The following CELF2 variants were observed in gnomAD, a reference collection of about 807,000 sequenced individuals.
CELF2 encodes CUG triplet repeat RNA-binding protein 2.
Under a neutral mutation model 62.6 loss-of-function variants are expected in CELF2, and 8 were observed. That is an observed-to-expected ratio of 0.13 (90% CI 0.07 to 0.23). The LOEUF is 0.23. CELF2 is among the 10% of genes least tolerant of loss of function. The pLI is 1.00. For missense variants in CELF2, 333 were observed against 671.0 expected (o/e 0.50, Z 5.56); for synonymous variants, 258 against 250.0 (o/e 1.03, Z -0.30).
chr10:10,633,831 T>C, the CELF2 span, among the ~76,000 whole-genome samples: 45 of 152,120 alleles, frequency 3.0e-4, no homozygotes, highest in East Asian at 8.5e-3. Context: ...ATGAATATTA[T>C]ATCTTTTCAA....
chr10:11,210,152 A>G (rs558423037), intron 2 of CELF2, among the ~76,000 whole-genome samples: 7 of 152,208 alleles, frequency 4.6e-5, no homozygotes, highest in Non-Finnish European at 8.8e-5. Flanking sequence ...GAATTCGAAT[A>G]TAACTCGAGT....
In CELF2 at chr10:10,966,147, A is replaced by G. The variant is rs541510085; in HGVS notation, c.89+46148A>G. Among the ~76,000 whole-genome samples, 9 of 152,322 alleles carry G rather than the reference A, an allele frequency of 5.9e-5. No homozygotes were observed. In the South Asian group the frequency reaches 1.9e-3, roughly 32 times the overall value. ...GTGAGTTTTGGTTTACACACCTTAC[A>G]TTTGAGTTTCCTTTGCATGTCCAGG... On this transcript the variant is annotated intron_variant, in intron 2 of 13. Transcript: ENST00000636488.
At chr10:10,994,381 A>T (rs2136786578) in intron 2 of CELF2, among the ~76,000 whole-genome samples, 1 of 152,326 alleles carries the variant, frequency 6.6e-6, no homozygotes, top group East Asian at 1.9e-4. Context: ...TTACTGATCC[A>T]GAAATTACAG....
chr10:10,851,725 C>T (rs990484938), intron 1 of CELF2, among the ~76,000 whole-genome samples: 3 of 152,074 alleles, frequency 2.0e-5, no homozygotes, highest in Non-Finnish European at 2.9e-5. Flanking sequence ...ATCCAGAATA[C>T]GTACAAGGAA....
At chr10:10,648,393 T>C in the CELF2 span, among the ~76,000 whole-genome samples, 3 of 152,318 alleles carry the variant, frequency 2.0e-5, no homozygotes, top group African/African-American at 7.2e-5. Flanking sequence ...CTTTGATACA[T>C]CCCAGTCCAT....
chr10:10,496,485 G>C, the CELF2 span, among the ~76,000 whole-genome samples: 1 of 152,066 alleles, frequency 6.6e-6, no homozygotes, highest in African/African-American at 2.4e-5. Flanking sequence ...CACATTCCCA[G>C]AGCCCTAGTA....
Position 11,211,592 on chromosome 10 carries a change from A to G in CELF2, c.272-5833A>G, listed in dbSNP as rs1399699184. On this transcript the variant is annotated intron_variant, in intron 2 of 12. Coordinates refer to ENST00000633077, the MANE Select transcript of CELF2 (RefSeq NM_001326342.2). The surrounding 1 kb of genome is among the most constrained non-coding windows in gnomAD (Gnocchi z 4.8). ...TACATTTTTTTTTCCTGTGAGTATT[A>G]TTACCCAGAGTTTCCAAGTAAAGAT... Among the ~76,000 whole-genome samples the G allele has an allele frequency of 1.3e-5, 2 of 152,038 alleles. No homozygotes were observed. The highest frequency in any genetic ancestry group is 2.9e-5 in the Non-Finnish European group (2 of 67,998).
chr10:11,208,490 A>C (rs1024327922), intron 2 of CELF2, among the ~76,000 whole-genome samples: 7 of 152,208 alleles, frequency 4.6e-5, no homozygotes, highest in African/African-American at 1.2e-4. Flanking sequence ...ACGTAACGCT[A>C]ACAGACTGAG....
chr10:10,956,060 C>T (rs1297254121), intron 2 of CELF2, among the ~76,000 whole-genome samples: 1 of 152,202 alleles, frequency 6.6e-6, no homozygotes, highest in Non-Finnish European at 1.5e-5. Context: ...GAAAGGGCAA[C>T]CAAGAGTCCA....
At chr10:10,693,970 A>G in the CELF2 span, among the ~76,000 whole-genome samples, 1 of 151,398 alleles carries the variant, frequency 6.6e-6, no homozygotes, top group Non-Finnish European at 1.5e-5. Context: ...CAGCTCCTGG[A>G]TTCATTAATT....
chr10:11,225,171 G>A (rs377078882), intron 3 of CELF2, among the ~76,000 whole-genome samples: 6 of 152,112 alleles, frequency 3.9e-5, no homozygotes, highest in Non-Finnish European at 4.4e-5. Context: ...CCCACCAGCC[G>A]CAGAGATGAA....
chr10:10,807,395 G>A (rs1590609750), intron 1 of CELF2, among the ~76,000 whole-genome samples: 1 of 152,098 alleles, frequency 6.6e-6, no homozygotes, highest in Non-Finnish European at 1.5e-5. Context: ...AAATATGTCT[G>A]GTCATATCTG....
intron 2 of CELF2, among the ~76,000 whole-genome samples, chr10:10,943,675 T>C (rs144748058): frequency 6.6e-6 from 1 of 152,182 alleles, no homozygotes; most frequent in Non-Finnish European, 1.5e-5. Context: ...CTTGGTTCAC[T>C]GCAACCTCTG....
At chr10:10,884,134 G>T (rs2061607621) in intron 1 of CELF2, among the ~76,000 whole-genome samples, 1 of 151,920 alleles carries the variant, frequency 6.6e-6, no homozygotes, top group Admixed American at 6.6e-5. Flanking sequence ...TAAATGGAAA[G>T]AAAAAAGAAT....
the CELF2 span, among the ~76,000 whole-genome samples, chr10:10,687,815 C>T: frequency 6.6e-6 from 1 of 152,204 alleles, no homozygotes; most frequent in Admixed American, 6.5e-5. Flanking sequence ...TTACACTCTC[C>T]TACCCACTGT....
the CELF2 span, among the ~76,000 whole-genome samples, chr10:10,504,233 C>A: frequency 6.6e-6 from 1 of 151,954 alleles, no homozygotes; most frequent in Non-Finnish European, 1.5e-5. Context: ...AGAAAACTTC[C>A]TTTAGCCATT....
chr10:10,755,104 G>T, the CELF2 span, among the ~76,000 whole-genome samples: 1 of 151,950 alleles, frequency 6.6e-6, no homozygotes, highest in African/African-American at 2.4e-5. Context: ...TTGAAAGGGA[G>T]AAAAAAATAA....
the CELF2 span, among the ~76,000 whole-genome samples, chr10:10,541,323 G>T: frequency 8.6e-5 from 13 of 151,992 alleles, no homozygotes; most frequent in Admixed American, 7.2e-4. Context: ...CTGGAAAGGG[G>T]CTCCACATCC....
chr10:10,674,918 C>T, the CELF2 span, among the ~76,000 whole-genome samples: 3 of 152,108 alleles, frequency 2.0e-5, no homozygotes. Flanking sequence ...ATTTATTTCA[C>T]TTATATGTAT....
Sources: allele counts gnomAD v4.1 joint callset (sites outside exome capture counted in the v4.1 genomes callset), GRCh38; gene constraint gnomAD v4.1.1; non-coding constraint Gnocchi (gnomAD v3.1); transcripts MANE v1.5; gene names NCBI Gene and HGNC (gene_info 2026-07-23, HGNC 2026-07-21).